The following PCDH15 variants were observed in gnomAD, a reference collection of about 807,000 sequenced individuals.
PCDH15 encodes the protein protocadherin-15.
A neutral mutation model predicts 178.5 loss-of-function variants in PCDH15; 129 were observed. The ratio of observed to expected loss-of-function variants is 0.72; its 90% CI spans 0.63 to 0.84. The LOEUF is 0.84. PCDH15 is among the 40% of genes least tolerant of loss of function. The pLI, the probability that PCDH15 is intolerant of heterozygous loss-of-function variation, is 0.00. For missense variants in PCDH15, 2,230 were observed against 2,099.9 expected (o/e 1.06, Z -1.21); for synonymous variants, 800 against 732.0 (o/e 1.09, Z -1.50).
chr10:54,648,735 T>C (rs1180755821), intron 2 of PCDH15, among the ~76,000 whole-genome samples: 1 of 152,170 alleles, frequency 6.6e-6, no homozygotes, highest in East Asian at 1.9e-4. Flanking sequence ...AGGTATTACA[T>C]AATGCTTGCT....
At chr10:54,428,312 A>G (rs1437263208) in intron 3 of PCDH15, among the ~76,000 whole-genome samples, 1 of 152,230 alleles carries the variant, frequency 6.6e-6, no homozygotes, top group Non-Finnish European at 1.5e-5. Context: ...ACTCTGAAAG[A>G]TGCCCAGTAG....
intron 3 of PCDH15, among the ~76,000 whole-genome samples, chr10:54,477,715 C>A (rs1394627364): frequency 6.6e-6 from 1 of 152,146 alleles, no homozygotes; most frequent in Non-Finnish European, 1.5e-5. Flanking sequence ...CACGCCTGAG[C>A]CTCCCCAGTA....
chr10:54,744,030 T>G (rs1945155451), intron 1 of PCDH15, among the ~76,000 whole-genome samples: 1 of 152,120 alleles, frequency 6.6e-6, no homozygotes, highest in Non-Finnish European at 1.5e-5. Context: ...GACAAAAGCC[T>G]TTGACTTTTC....
chr10:54,163,507 G>T (rs1315024249), intron 13 of PCDH15, among the ~76,000 whole-genome samples: 3 of 152,024 alleles, frequency 2.0e-5, no homozygotes, highest in Non-Finnish European at 1.5e-5. Flanking sequence ...GGAGAAATTT[G>T]CCTCCATAAT....
chr10:54,922,626 A>T (rs1837523657), intron 2 of PCDH15, among the ~76,000 whole-genome samples: 1 of 152,022 alleles, frequency 6.6e-6, no homozygotes, highest in Non-Finnish European at 1.5e-5. Flanking sequence ...GGGTGGAATG[A>T]TATGTTCGAC....
chr10:55,053,532 T>C (rs568267372), intron 2 of PCDH15, among the ~76,000 whole-genome samples: 1 of 152,346 alleles, frequency 6.6e-6, no homozygotes, highest in South Asian at 2.1e-4. Context: ...CATGCATGTA[T>C]ATTCACAGAA....
In PCDH15 at chr10:53,828,724, G is replaced by T. The variant is rs4935096; in HGVS notation, c.4203-151C>A. 0.43 allele frequency: 280,091 copies of T among 650,494 alleles called. 64,862 individuals are homozygous for T. The highest frequency in any genetic ancestry group is 0.8 in the East Asian group (28,448 of 35,780). The allele number at this position is 650,494 out of a possible 1,614,324, so 40.3% of individuals were successfully genotyped here. A position where few individuals can be genotyped will look rare whatever the true frequency, so the allele number is the denominator to read the frequency against. ...TTAATGACAGACTAAGAAAACTAAG[G>T]ATATCAATTCAAAAGGTGAAAATAG... is the stretch of plus-strand genomic sequence containing the variant. On this transcript the variant is annotated intron_variant, in intron 30 of 37. Coordinates refer to ENST00000644397, the MANE Select transcript of PCDH15 (RefSeq NM_001384140.1).
At chr10:53,823,955 CAG>C (rs2076495112) in intron 32 of PCDH15, among the ~76,000 whole-genome samples, 3 of 152,132 alleles carry the variant, frequency 2.0e-5, no homozygotes, top group Admixed American at 1.3e-4. Context: ...AGAATTGTGA[CAG>C]AGGAGTTTTT....
In PCDH15 at chr10:54,354,832, A is replaced by AT. The variant is rs1430066094; in HGVS notation, c.475-8349dup. Among the ~76,000 whole-genome samples the AT allele has an allele frequency of 1.3e-4, 20 of 152,272 alleles. 1 individual carries two copies. Among genetic ancestry groups the AT allele is most frequent in the African/African-American group, 4.8e-4 (20 of 41,560 alleles). Reference sequence around the variant, plus strand: ...TTTTAGATTTACCAGAATAATTCTGATAAAAACAGATGTTCAAAATATATG... The same window carrying AT: ...TTTTAGATTTACCAGAATAATTCTGATTAAAAACAGATGTTCAAAATATATG... On this transcript the variant is annotated intron_variant, in intron 5 of 37. Transcript: ENST00000644397.
At chr10:54,062,387 G>T (rs2094048426) in intron 18 of PCDH15, among the ~76,000 whole-genome samples, 1 of 151,702 alleles carries the variant, frequency 6.6e-6, no homozygotes, top group Admixed American at 6.6e-5. Context: ...TATGTATCTT[G>T]GTTTTAAGTC....
intron 21 of PCDH15, among the ~76,000 whole-genome samples, chr10:53,985,218 A>C (rs2091009646): frequency 6.6e-6 from 1 of 152,128 alleles, no homozygotes; most frequent in Admixed American, 6.5e-5. Context: ...TAAAAAAAAA[A>C]CTTTATATAA....
intron 1 of PCDH15, among the ~76,000 whole-genome samples, chr10:54,722,590 A>G (rs1941810254): frequency 6.7e-6 from 1 of 148,264 alleles, no homozygotes; most frequent in South Asian, 2.1e-4. Context: ...AAAAAAAAAA[A>G]AAAATGTCAA....
At chr10:55,461,993 G>A (rs1219172509) in intron 2 of PCDH15, among the ~76,000 whole-genome samples, 7 of 152,014 alleles carry the variant, frequency 4.6e-5, no homozygotes, top group African/African-American at 1.7e-4. Context: ...TAATGGTCAA[G>A]ACCACCTTCA....
chr10:54,480,477 CA>C (rs2078637692), intron 3 of PCDH15, among the ~76,000 whole-genome samples: 1 of 151,958 alleles, frequency 6.6e-6, no homozygotes. Context: ...TTATCTAAAT[CA>C]AAGACTCTGA....
intron 2 of PCDH15, among the ~76,000 whole-genome samples, chr10:55,619,687 C>A (rs1843549872): frequency 6.6e-6 from 1 of 151,932 alleles, no homozygotes; most frequent in Non-Finnish European, 1.5e-5. Flanking sequence ...TATCTAAATT[C>A]TCTAGCTTGT....
chr10:55,623,841 A>G (rs1374669515), intron 2 of PCDH15, among the ~76,000 whole-genome samples: 3 of 151,882 alleles, frequency 2.0e-5, no homozygotes, highest in Non-Finnish European at 4.4e-5. Flanking sequence ...TTATCATTGG[A>G]GAAAAGTCAA....
In PCDH15 at chr10:53,810,826, G is replaced by C. The variant is rs2075837943; in HGVS notation, c.4563-162C>G. 4.5e-6 allele frequency: 3 copies of C among 670,770 alleles called. No individual in the cohort carries two copies. In the East Asian group the frequency reaches 8.2e-5, roughly 18 times the overall value. 41.6% of individuals were successfully genotyped at this position (670,770 alleles called of 1,614,324 possible). ...AACTAGTTACAAAACTATAGAGTAA[G>C]AACTGCTACCTGATGACCAGTGATT... is the stretch of plus-strand genomic sequence containing the variant. On this transcript the variant is annotated intron_variant, in intron 36 of 37. Coordinates refer to ENST00000644397, the MANE Select transcript of PCDH15 (RefSeq NM_001384140.1).
intron 3 of PCDH15, among the ~76,000 whole-genome samples, chr10:54,841,481 T>C (rs1283450408): frequency 6.6e-6 from 1 of 151,686 alleles, no homozygotes; most frequent in Non-Finnish European, 1.5e-5. Context: ...TACCTAACTT[T>C]ACATATCAAA....
rs1841038391 is a variant in PCDH15, at chr10:53,804,498, CA to C, written c.*2080del. ...AAACAAAAAACACAAACTTTCCCAT[CA>C]GGATACTAGAAGCTATAAACTGAAA... On this transcript the variant is annotated 3_prime_UTR_variant, in exon 38 of 38. Transcript: ENST00000644397. 1 of 151,748 alleles carries C rather than the reference CA, an allele frequency of 6.6e-6. No individual in the cohort carries two copies. The highest frequency in any genetic ancestry group is 2.4e-5 in the African/African-American group (1 of 41,342). The allele number at this position is 151,748 out of a possible 1,614,324, so 9.4% of individuals were successfully genotyped here.
Sources: gnomAD v4.1 joint callset for allele counts (sites outside exome capture counted in the v4.1 genomes callset) on GRCh38, gnomAD v4.1.1 for gene constraint, MANE v1.5 for transcripts, NCBI Gene and HGNC (gene_info 2026-07-23, HGNC 2026-07-21) for gene names.